POU2F3: variants seen among roughly 807,000 people sequenced by gnomAD.
POU2F3 encodes POU domain, class 2, transcription factor 3.
In POU2F3, 23 loss-of-function variants were observed where a neutral mutation model predicts 59.2. That is an observed-to-expected ratio of 0.39 (90% confidence interval 0.28 to 0.55). The LOEUF (loss-of-function observed/expected upper bound fraction) is 0.55, where lower values mean the gene tolerates loss of function less well. Ranked by LOEUF, POU2F3 falls within the 20% of genes least tolerant of loss-of-function variation. The probability of loss-of-function intolerance (pLI) is 0.66; values close to 1 mark genes in which losing one functional copy is unlikely to be tolerated. For missense variants in POU2F3, 473 were observed against 544.5 expected (o/e 0.87, Z 1.31); for synonymous variants, 190 against 214.6 (o/e 0.89, Z 1.00).
In POU2F3 at chr11:120,269,192, T is replaced by C. The variant is rs776345953; in HGVS notation, c.98-18T>C. On this transcript the variant is annotated intron_variant, in intron 2 of 12. Coordinates refer to ENST00000543440, the MANE Select transcript of POU2F3 (RefSeq NM_014352.4). ...AACCTGCTACCAACTAATATACATATATTTTTATCTTTTCTAGGAAATGAT... is the reference window on the plus strand; with the variant it reads ...AACCTGCTACCAACTAATATACATACATTTTTATCTTTTCTAGGAAATGAT... The C allele has an allele frequency of 1.9e-6, 3 of 1,563,962 alleles. No homozygotes were observed. Among genetic ancestry groups the C allele is most frequent in the Admixed American group, 1.7e-5 (1 of 59,802 alleles).
At chr11:120,274,415 AC>A (rs750188705) in intron 3 of POU2F3, among the ~76,000 whole-genome samples, 9 of 152,166 alleles carry the variant, frequency 5.9e-5, no homozygotes, top group Non-Finnish European at 1.3e-4. Flanking sequence ...GCATGGAGAG[AC>A]CCAGCTTTAA....
intron 2 of POU2F3, chr11:120,265,324 T>TA (rs1187734527): frequency 6.6e-6 from 1 of 152,260 alleles, no homozygotes; most frequent in African/African-American, 2.4e-5. Context: ...AGAGCTGTCT[T>TA]ACCTGAGTGC....
intron 6 of POU2F3, 78 bp downstream of exon 6, chr11:120,302,446 C>A: frequency 1.4e-6 from 2 of 1,392,056 alleles, no homozygotes; most frequent in South Asian, 1.2e-5. Flanking sequence ...TTTCCCCCTA[C>A]CCCTTTAACA....
Position 120,302,283 on chromosome 11 carries a change from C to T in POU2F3, c.362-3C>T. ...GTTCCTTTGTCCCTCCCCTTTCACC[C>T]AGGTCTGCAGCCAAATCTCCTCCCC... On this transcript the variant is annotated splice_polypyrimidine_tract_variant and splice_region_variant and intron_variant, in intron 5 of 12. Coordinates refer to ENST00000543440, the MANE Select transcript of POU2F3 (RefSeq NM_014352.4). 1 of 1,602,572 alleles carries T rather than the reference C, an allele frequency of 6.2e-7. No individual in the cohort carries two copies. The highest frequency in any genetic ancestry group is 8.5e-7 in the Non-Finnish European group (1 of 1,169,748).
At chr11:120,315,448 T>A in intron 11 of POU2F3, 21 bp downstream of exon 11, 1 of 1,596,654 alleles carries the variant, frequency 6.3e-7, no homozygotes, top group Non-Finnish European at 8.6e-7. Context: ...AAATGAGATT[T>A]CTGAAGAACA....
intron 3 of POU2F3, among the ~76,000 whole-genome samples, chr11:120,274,393 C>T (rs1940236129): frequency 6.6e-6 from 1 of 152,146 alleles, no homozygotes; most frequent in African/African-American, 2.4e-5. Context: ...ATTATTATTA[C>T]TATTTCAGTA....
At chr11:120,318,256 C>A in intron 12 of POU2F3, 97 bp from the exon 13 acceptor site, 1 of 1,177,778 alleles carries the variant, frequency 8.5e-7, no homozygotes, top group Non-Finnish European at 1.3e-6. Flanking sequence ...ATTACTCCTA[C>A]CTGCAAAAGC....
intron 3 of POU2F3, among the ~76,000 whole-genome samples, chr11:120,275,306 G>A (rs992290768): frequency 6.6e-6 from 1 of 152,110 alleles, no homozygotes; most frequent in African/African-American, 2.4e-5. Context: ...CCAGTGGAGG[G>A]CTCTTCTGAG....
intron 3 of POU2F3, among the ~76,000 whole-genome samples, chr11:120,279,386 A>G (rs1319389950): frequency 6.6e-6 from 1 of 152,198 alleles, no homozygotes; most frequent in African/African-American, 2.4e-5. Flanking sequence ...TCTGGTATAC[A>G]ATAACGCACC....
intron 2 of POU2F3, chr11:120,255,896 C>T (rs1439374715): frequency 6.6e-6 from 1 of 152,306 alleles, no homozygotes; most frequent in African/African-American, 2.4e-5. Flanking sequence ...GACTGATCAT[C>T]TCAGGTTGTC....
chr11:120,296,878 TA>T (rs1276798489), intron 3 of POU2F3, among the ~76,000 whole-genome samples: 1 of 152,212 alleles, frequency 6.6e-6, no homozygotes, highest in Non-Finnish European at 1.5e-5. Context: ...GTCTTTATAA[TA>T]GAGCTGTTTA....
intron 3 of POU2F3, among the ~76,000 whole-genome samples, chr11:120,276,979 C>T (rs749828862): frequency 2.3e-4 from 35 of 151,598 alleles, no homozygotes; most frequent in Admixed American, 5.3e-4. Flanking sequence ...GAAACCCCAC[C>T]TCTATAAAAA....
intron 3 of POU2F3, among the ~76,000 whole-genome samples, chr11:120,280,000 GAGA>G (rs1940498047): frequency 6.6e-6 from 1 of 152,204 alleles, no homozygotes; most frequent in African/African-American, 2.4e-5. Flanking sequence ...ATGAAGGAGG[GAGA>G]AGAAGGTAGG....
chr11:120,309,351 G>A lies in POU2F3; in HGVS notation c.907-74G>A, dbSNP rs1428630203. On this transcript the variant is annotated intron_variant, in intron 9 of 12. Coordinates refer to ENST00000543440, the MANE Select transcript of POU2F3 (RefSeq NM_014352.4). ...TTTGATCCATGTATAGTTGTATCCTGTTTCTTTGGGACCTCTGTTCCCTGC... is the reference window on the plus strand; with the variant it reads ...TTTGATCCATGTATAGTTGTATCCTATTTCTTTGGGACCTCTGTTCCCTGC... The A allele has an allele frequency of 2.1e-6, 3 of 1,451,046 alleles. No individual in the cohort carries two copies. In the Admixed American group the frequency reaches 5.3e-5, roughly 26 times the overall value. 89.9% of individuals were successfully genotyped at this position (1,451,046 alleles called of 1,614,324 possible).
At chr11:120,266,255 C>A (rs1351648958) in intron 2 of POU2F3, among the ~76,000 whole-genome samples, 2 of 152,136 alleles carry the variant, frequency 1.3e-5, no homozygotes, top group East Asian at 3.9e-4. Flanking sequence ...CTCCACATCC[C>A]CGCATCAGCC....
intron 3 of POU2F3, among the ~76,000 whole-genome samples, chr11:120,296,786 C>G (rs1941203342): frequency 6.6e-6 from 1 of 152,104 alleles, no homozygotes; most frequent in Non-Finnish European, 1.5e-5. Flanking sequence ...TTTTCTTTAT[C>G]CAGTCTATCA....
At chr11:120,267,170 C>A (rs1939860457) in intron 2 of POU2F3, among the ~76,000 whole-genome samples, 1 of 151,882 alleles carries the variant, frequency 6.6e-6, no homozygotes, top group Admixed American at 6.6e-5. Flanking sequence ...ACTCTGTCAC[C>A]CAGGCTGGAG....
chr11:120,255,577 A>C (rs1326840518), intron 2 of POU2F3, among the ~76,000 whole-genome samples: 1 of 151,980 alleles, frequency 6.6e-6, no homozygotes, highest in Non-Finnish European at 1.5e-5. Context: ...GCGTGGACAA[A>C]AGGGGTTAAG....
intron 2 of POU2F3, chr11:120,256,323 G>T (rs1005982253): frequency 2.0e-5 from 3 of 152,150 alleles, no homozygotes; most frequent in Non-Finnish European, 4.4e-5. Context: ...CTGCTGTGAG[G>T]ATTACACAAG....
Sources: allele counts gnomAD v4.1 joint callset (sites outside exome capture counted in the v4.1 genomes callset), GRCh38; gene constraint gnomAD v4.1.1; transcripts MANE v1.5; gene names NCBI Gene and HGNC (gene_info 2026-07-23, HGNC 2026-07-21).